Variants in CHKA observed in about 807,000 individuals in gnomAD.
CHKA encodes the protein choline kinase alpha, also known as CHETK-alpha.
A neutral mutation model predicts 60.1 loss-of-function variants in CHKA; 34 were observed. The ratio of observed to expected loss-of-function variants is 0.57; its 90% CI spans 0.43 to 0.75. The LOEUF is 0.75. Among genes scored for constraint, CHKA ranks in the 30% least tolerant of loss-of-function variants. CHKA has a pLI of 0.00. For missense variants in CHKA, 563 were observed against 561.3 expected, an observed-to-expected ratio of 1.00 and a Z score of -0.03; for synonymous variants, 217 against 223.1, an observed-to-expected ratio of 0.97 and a Z score of 0.24.
At chr11:68,082,809 C>A (rs1045350867) in intron 2 of CHKA, among the ~76,000 whole-genome samples, 1 of 152,142 alleles carries the variant, frequency 6.6e-6, no homozygotes, top group Non-Finnish European at 1.5e-5. Context: ...ACATTTGGTA[C>A]AAAGTACAGA....
chr11:68,055,255 T>G (rs1041908100), intron 11 of CHKA, among the ~76,000 whole-genome samples: 2 of 152,122 alleles, frequency 1.3e-5, no homozygotes, highest in African/African-American at 4.8e-5. Context: ...CTGGGTGCGG[T>G]GGCGGGCGCC....
chr11:68,081,418 C>A lies in CHKA; in HGVS notation c.502G>T (p.Glu168Ter). The change falls in exon 3 of 12, where the codon GAA becomes TAA. Residue 168 changes from glutamate to a stop codon, truncating the protein, a stop_gained. Transcript: ENST00000265689. LOFTEE classifies it high-confidence loss of function. ...GAATTACTTACTTGAAATTCATTTTCTTTCTGAGCTTGTTCGGATCCCTCT... is the reference window on the plus strand; with the variant it reads ...GAATTACTTACTTGAAATTCATTTTATTTCTGAGCTTGTTCGGATCCCTCT... ...NKEGSEQAQK[E>*]NEFQGAEAMV... The A allele has an allele frequency of 6.2e-7, 1 of 1,613,638 alleles. No individual in the cohort carries two copies. The highest frequency in any genetic ancestry group is 8.5e-7 in the Non-Finnish European group (1 of 1,179,560).
At chr11:68,092,263 C>T (rs901180381) in intron 2 of CHKA, among the ~76,000 whole-genome samples, 9 of 152,122 alleles carry the variant, frequency 5.9e-5, no homozygotes, top group Non-Finnish European at 1.0e-4. Context: ...TCAATTAATG[C>T]AAATCTTGAC....
Position 68,121,044 on chromosome 11 carries a change from G to A in CHKA, c.134C>T (p.Ser45Phe), listed in dbSNP as rs1388875242. The A allele has an allele frequency of 1.8e-6, 2 of 1,110,386 alleles. No individual in the cohort carries two copies. Among genetic ancestry groups the A allele is most frequent in the Non-Finnish European group, 2.2e-6 (2 of 911,244 alleles). 68.8% of individuals were successfully genotyped at this position (1,110,386 alleles called of 1,614,324 possible). A position where few individuals can be genotyped will look rare whatever the true frequency, so the allele number is the denominator to read the frequency against. Reference protein sequence around the residue: ...QQRDAASDLESKQLGGQQPPL... With the variant: ...QQRDAASDLEFKQLGGQQPPL... ...CGGCTGTTGGCCGCCCAGCTGCTTG[G>A]ACTCGAGGTCGCTGGCGGCGTCGCG... Residue 45 changes from serine to phenylalanine, a missense_variant, in exon 1 of 12, where the codon TCC (serine) becomes TTC (phenylalanine). Coordinates refer to ENST00000265689, the MANE Select transcript of CHKA (RefSeq NM_001277.3).
chr11:68,067,586 G>A (rs1411613204), intron 7 of CHKA, among the ~76,000 whole-genome samples: 1 of 152,086 alleles, frequency 6.6e-6, no homozygotes, highest in African/African-American at 2.4e-5. Context: ...CACAGTAACA[G>A]TCTCAAAAAA....
At chr11:68,074,631 C>T in intron 4 of CHKA, 86 bp downstream of exon 4, 2 of 1,124,110 alleles carry the variant, frequency 1.8e-6, no homozygotes, top group Admixed American at 1.7e-5. Context: ...GAAAACACAG[C>T]ATTGCAGGTT....
chr11:68,073,936 T>G (rs1410901780), intron 4 of CHKA, among the ~76,000 whole-genome samples: 2 of 151,858 alleles, frequency 1.3e-5, no homozygotes, highest in Admixed American at 1.3e-4. Flanking sequence ...AGGAAGAGAG[T>G]GCAGGCTGAC....
intron 2 of CHKA, among the ~76,000 whole-genome samples, chr11:68,096,286 G>A (rs964983470): frequency 2.0e-5 from 3 of 152,002 alleles, no homozygotes; most frequent in Non-Finnish European, 2.9e-5. Flanking sequence ...ACTTGAACCC[G>A]GGAGGCAGAG....
chr11:68,084,342 A>AT (rs1231989708), intron 2 of CHKA, among the ~76,000 whole-genome samples: 1 of 139,910 alleles, frequency 7.1e-6, no homozygotes, highest in African/African-American at 2.6e-5. Flanking sequence ...ATACGTATAT[A>AT]TATGTGTATA....
intron 1 of CHKA, among the ~76,000 whole-genome samples, chr11:68,108,732 GCT>G (rs1470867456): frequency 6.6e-6 from 1 of 152,070 alleles, no homozygotes; most frequent in Non-Finnish European, 1.5e-5. Context: ...TGACCGCAAG[GCT>G]CTGTCTCAAA....
intron 1 of CHKA, among the ~76,000 whole-genome samples, chr11:68,109,073 C>T (rs886762352): frequency 1.3e-5 from 2 of 149,798 alleles, no homozygotes; most frequent in Admixed American, 6.6e-5. Context: ...GAAACCTTTC[C>T]TTTTTTCTTT....
chr11:68,100,604 C>CATAAATACATAA (rs1857675135), intron 1 of CHKA, among the ~76,000 whole-genome samples: 1 of 65,456 alleles, frequency 1.5e-5, no homozygotes, highest in East Asian at 3.1e-4. Flanking sequence ...TAAATAAATA[C>CATAAATACATAA]ATAAATAAAT....
intron 3 of CHKA, 54 bp from the exon 4 acceptor site, chr11:68,074,884 G>A (rs917574286): frequency 2.9e-5 from 44 of 1,532,304 alleles, no homozygotes; most frequent in Non-Finnish European, 3.9e-5. Flanking sequence ...TAAGCGCCAG[G>A]CATCAGAAGC....
At chr11:68,056,257 G>C (rs998413965) in intron 11 of CHKA, among the ~76,000 whole-genome samples, 10 of 152,042 alleles carry the variant, frequency 6.6e-5, no homozygotes, top group African/African-American at 2.4e-4. Context: ...TTTTTGTCCA[G>C]GGTCCCTGGC....
rs1280379830 is a variant in CHKA at position 68,095,724 on chromosome 11, A to C, written c.462+1295T>G. Among the ~76,000 whole-genome samples the C allele has an allele frequency of 2.1e-5, 3 of 142,774 alleles. 1 individual carries two copies. Among genetic ancestry groups the C allele is most frequent in the African/African-American group, 5.3e-5 (2 of 38,062 alleles). The allele number at this position is 142,774 out of a possible 152,430, so 93.7% of individuals were successfully genotyped here. On this transcript the variant is annotated intron_variant, in intron 2 of 11. Coordinates refer to ENST00000265689, the MANE Select transcript of CHKA (RefSeq NM_001277.3). The stretch of plus-strand genomic sequence containing the variant: ...ACTCCGTCGCAAAAAAAAAAAAAAA[A>C]AAAAAAAAAACAACAGGTATCAAAA...
At chr11:68,086,686 T>C (rs1857187825) in intron 2 of CHKA, among the ~76,000 whole-genome samples, 1 of 152,118 alleles carries the variant, frequency 6.6e-6, no homozygotes, top group African/African-American at 2.4e-5. Context: ...TCACATATAG[T>C]TATCATTTAA....
chr11:68,082,996 C>T (rs1285051367), intron 2 of CHKA, among the ~76,000 whole-genome samples: 3 of 152,196 alleles, frequency 2.0e-5, no homozygotes, highest in Non-Finnish European at 4.4e-5. Context: ...TGGAAAGCTT[C>T]CCTTCACCCT....
intron 1 of CHKA, among the ~76,000 whole-genome samples, chr11:68,118,305 G>T (rs1858470971): frequency 6.6e-6 from 1 of 152,088 alleles, no homozygotes. Context: ...GCCAGTAATG[G>T]TGGTGCGTGC....
chr11:68,086,182 G>A (rs1857171581), intron 2 of CHKA, among the ~76,000 whole-genome samples: 1 of 152,168 alleles, frequency 6.6e-6, no homozygotes, highest in South Asian at 2.1e-4. Context: ...GTGTGGTGAT[G>A]TGCGCCTGTA....
Sources: gnomAD v4.1 joint callset for allele counts (sites outside exome capture counted in the v4.1 genomes callset) on GRCh38, gnomAD v4.1.1 for gene constraint, MANE v1.5 for transcripts, NCBI Gene and HGNC (gene_info 2026-07-23, HGNC 2026-07-21) for gene names.